Variants in F13A1 observed in about 807,000 individuals in gnomAD.
F13A1 encodes FSF, A subunit.
A neutral mutation model predicts 80.1 loss-of-function variants in F13A1; 47 were observed. The ratio of observed to expected loss-of-function variants is 0.59; its 90% CI spans 0.46 to 0.75. F13A1 has a LOEUF of 0.75. F13A1 is among the 30% of genes least tolerant of loss of function. The pLI is 0.00. For synonymous variants in F13A1, 349 were observed against 344.9 expected, an observed-to-expected ratio of 1.01 and a Z score of -0.13; for missense variants, 817 against 930.4, an observed-to-expected ratio of 0.88 and a Z score of 1.59.
intron 6 of F13A1, among the ~76,000 whole-genome samples, chr6:6,236,834 AG>A (rs1757420003): frequency 6.6e-6 from 1 of 152,182 alleles, no homozygotes; most frequent in Non-Finnish European, 1.5e-5. Flanking sequence ...CTAACATCAA[AG>A]GCCTAGCGTT....
chr6:6,192,460 G>C (rs184817118), intron 10 of F13A1, among the ~76,000 whole-genome samples: 79 of 152,114 alleles, frequency 5.2e-4, no homozygotes, highest in Non-Finnish European at 3.2e-4. Context: ...ATTTTGGGAA[G>C]GTATTTTTGG....
chr6:6,179,109 G>C (rs1013789151), intron 11 of F13A1, among the ~76,000 whole-genome samples: 1 of 152,174 alleles, frequency 6.6e-6, no homozygotes, highest in Non-Finnish European at 1.5e-5. Flanking sequence ...ATTTGAGCCT[G>C]CTTAAATGCT....
At chr6:6,246,428 G>T (rs1158047623) in intron 6 of F13A1, among the ~76,000 whole-genome samples, 2 of 152,178 alleles carry the variant, frequency 1.3e-5, no homozygotes, top group Non-Finnish European at 2.9e-5. Flanking sequence ...ATAAACAAGG[G>T]TATGACGGAA....
intron 3 of F13A1, among the ~76,000 whole-genome samples, chr6:6,285,126 G>T (rs949734419): frequency 6.6e-6 from 1 of 152,190 alleles, no homozygotes; most frequent in African/African-American, 2.4e-5. Flanking sequence ...GCGGGCACCT[G>T]TAATCCCAGC....
At chr6:6,263,424 T>C (rs528506365) in intron 4 of F13A1, among the ~76,000 whole-genome samples, 61 of 152,352 alleles carry the variant, frequency 4.0e-4, no homozygotes, top group African/African-American at 1.3e-3. Flanking sequence ...TCAATGTGTC[T>C]GGCTCTGGGC....
At chr6:6,282,609 A>T (rs1288680837) in intron 3 of F13A1, among the ~76,000 whole-genome samples, 1 of 152,194 alleles carries the variant, frequency 6.6e-6, no homozygotes, top group African/African-American at 2.4e-5. Flanking sequence ...TCTGCCCAAG[A>T]CACCTTCGGA....
At chr6:6,300,375 T>C (rs949792655) in intron 3 of F13A1, among the ~76,000 whole-genome samples, 15 of 151,302 alleles carry the variant, frequency 9.9e-5, no homozygotes, top group South Asian at 4.1e-4. Flanking sequence ...CTCAGACTGC[T>C]GTGCCAGCAA....
At chr6:6,276,510 G>A (rs972466193) in intron 3 of F13A1, among the ~76,000 whole-genome samples, 2 of 152,292 alleles carry the variant, frequency 1.3e-5, no homozygotes, top group African/African-American at 2.4e-5. Context: ...AGCTCCCACT[G>A]CTTACAAATC....
intron 3 of F13A1, among the ~76,000 whole-genome samples, chr6:6,295,789 C>T (rs1758316051): frequency 7.3e-6 from 1 of 137,116 alleles, no homozygotes; most frequent in African/African-American, 3.2e-5. Flanking sequence ...GTTGCCATTG[C>T]TTTTGGTGTT....
At chr6:6,179,719 T>A (rs540938463) in intron 11 of F13A1, among the ~76,000 whole-genome samples, 1 of 152,318 alleles carries the variant, frequency 6.6e-6, no homozygotes, top group Admixed American at 6.5e-5. Context: ...CGAAGCAGGA[T>A]GAGTCGTCGC....
intron 2 of F13A1, among the ~76,000 whole-genome samples, chr6:6,310,891 C>T (rs116598936): frequency 1.7e-3 from 254 of 152,272 alleles, no homozygotes; most frequent in African/African-American, 5.8e-3. Flanking sequence ...AAGAAGGTCC[C>T]TGGGAAGCTT....
At chr6:6,283,478 A>T (rs1196937485) in intron 3 of F13A1, among the ~76,000 whole-genome samples, 1 of 152,220 alleles carries the variant, frequency 6.6e-6, no homozygotes, top group Non-Finnish European at 1.5e-5. Context: ...AGTACACACT[A>T]AAGTATTCAG....
Position 6,145,298 on chromosome 6 carries a change from G to C in F13A1, c.*321C>G. 5.4e-6 allele frequency: 2 copies of C among 373,262 alleles called. No homozygotes were observed. Among genetic ancestry groups the C allele is most frequent in the Non-Finnish European group, 1.0e-5 (2 of 194,720 alleles). 23.1% of individuals were successfully genotyped at this position (373,262 alleles called of 1,614,324 possible). On this transcript the variant is annotated 3_prime_UTR_variant, in exon 15 of 15. Transcript: ENST00000264870. ...TATTGAGCAAATCTCCCTGGTAAGAGAGCCCACTGATATTTGGAGATGTAG... is the reference window on the plus strand; with the variant it reads ...TATTGAGCAAATCTCCCTGGTAAGACAGCCCACTGATATTTGGAGATGTAG...
Position 6,300,061 on chromosome 6 carries a change from G to A in F13A1, c.319+5290C>T, listed in dbSNP as rs976069264. Reference sequence around the variant, plus strand: ...GGGGTGCCTCCCAGTTAGGCTGCTTGGGGGTCAGGGGTCAGGGACCCACTT... The same window carrying A: ...GGGGTGCCTCCCAGTTAGGCTGCTTAGGGGTCAGGGGTCAGGGACCCACTT... On this transcript the variant is annotated intron_variant, in intron 3 of 14. Transcript: ENST00000264870. 1.9e-4 allele frequency among the ~76,000 whole-genome samples: 28 copies of A among 146,422 alleles called. 2 individuals carry two copies. The highest frequency in any genetic ancestry group is 9.9e-4 in the Admixed American group (15 of 15,080).
At chr6:6,183,153 G>A (rs537942331) in intron 10 of F13A1, among the ~76,000 whole-genome samples, 1 of 152,226 alleles carries the variant, frequency 6.6e-6, no homozygotes, top group South Asian at 2.1e-4. Context: ...GAAGCAGGTA[G>A]GAAGCATGAA....
At chr6:6,156,146 T>C (rs984343844) in intron 13 of F13A1, among the ~76,000 whole-genome samples, 31 of 152,332 alleles carry the variant, frequency 2.0e-4, no homozygotes, top group African/African-American at 7.0e-4. Flanking sequence ...CAATATTCTA[T>C]TGAAAATATC....
chr6:6,285,236 G>A (rs1011570370), intron 3 of F13A1, among the ~76,000 whole-genome samples: 2 of 152,190 alleles, frequency 1.3e-5, no homozygotes, highest in African/African-American at 4.8e-5. Context: ...GCACCAGAGC[G>A]AGACTCCAAC....
Position 6,308,461 on chromosome 6 carries a change from T to A in F13A1, c.131-2922A>T, listed in dbSNP as rs1378834480. On this transcript the variant is annotated intron_variant, in intron 2 of 14. Transcript: ENST00000264870. Reference sequence around the variant, plus strand: ...CATTACTCTAGTTGTGGTTTTTCTGTAAAAAAAAAAAAAAGAGACCATTAC... The same window carrying A: ...CATTACTCTAGTTGTGGTTTTTCTGAAAAAAAAAAAAAAAGAGACCATTAC... Among the ~76,000 whole-genome samples the A allele has an allele frequency of 6.3e-3, 907 of 143,752 alleles. 11 individuals are homozygous for A. The highest frequency in any genetic ancestry group is 0.035 in the Admixed American group (512 of 14,478). The allele number at this position is 143,752 out of a possible 152,430, so 94.3% of individuals were successfully genotyped here. A position where few individuals can be genotyped will look rare whatever the true frequency, so the allele number is the denominator to read the frequency against.
chr6:6,145,587 A>G lies in F13A1; in HGVS notation c.*32T>C, dbSNP rs755507423. 3 of 1,614,132 alleles carry G rather than the reference A, an allele frequency of 1.9e-6. No individual in the cohort carries two copies. The highest frequency in any genetic ancestry group is 1.7e-5 in the Admixed American group (1 of 60,024). ...CCTTAGCCAAGACTACAAGAGGCCA[A>G]ATGCCAGGGTTCATCTCAGCTTCCT... On this transcript the variant is annotated 3_prime_UTR_variant, in exon 15 of 15. Coordinates refer to ENST00000264870, the MANE Select transcript of F13A1 (RefSeq NM_000129.4).
Sources: allele counts gnomAD v4.1 joint callset (sites outside exome capture counted in the v4.1 genomes callset), GRCh38; gene constraint gnomAD v4.1.1; transcripts MANE v1.5; gene names NCBI Gene and HGNC (gene_info 2026-07-23, HGNC 2026-07-21).